VPS50: variants seen among roughly 807,000 people sequenced by gnomAD.
VPS50 encodes VPS50 subunit of EARP/GARPII complex.
In VPS50, 70 loss-of-function variants were observed where a neutral mutation model predicts 139.7. That is an observed-to-expected ratio of 0.50 (90% CI 0.41 to 0.61). The LOEUF is 0.61. Among genes scored for constraint, VPS50 ranks in the 20% least tolerant of loss-of-function variants. The pLI is 0.00. For synonymous variants in VPS50, 365 were observed against 376.7 expected, an observed-to-expected ratio of 0.97 and a Z score of 0.36; for missense variants, 921 against 1,133.7, an observed-to-expected ratio of 0.81 and a Z score of 2.69.
chr7:93,266,428 GT>G (rs1468003903), intron 9 of VPS50, among the ~76,000 whole-genome samples: 2 of 152,126 alleles, frequency 1.3e-5, no homozygotes, highest in Admixed American at 6.5e-5. Flanking sequence ...GTGCCATCTT[GT>G]CTTTTTGTAT....
At chr7:93,245,095 G>T (rs1000439318) in intron 2 of VPS50, among the ~76,000 whole-genome samples, 2 of 151,820 alleles carry the variant, frequency 1.3e-5, no homozygotes, top group Non-Finnish European at 2.9e-5. Flanking sequence ...TTGCAGAGGA[G>T]TAGAGGCACA....
At chr7:93,298,418 A>G (rs1796874824) in intron 16 of VPS50, among the ~76,000 whole-genome samples, 1 of 152,100 alleles carries the variant, frequency 6.6e-6, no homozygotes, top group Admixed American at 6.6e-5. Flanking sequence ...CCTGTTAATC[A>G]TGGATGGGGA....
intron 25 of VPS50, 130 bp from the exon 26 acceptor site, chr7:93,353,510 A>G (rs959577366): frequency 1.0e-6 from 1 of 983,934 alleles, no homozygotes; most frequent in African/African-American, 1.6e-5. Flanking sequence ...TATCTTTGGC[A>G]TTATCTTTTT....
rs544797129 is a variant in VPS50, at chr7:93,259,256, T to G, written c.577-294T>G. On this transcript the variant is annotated intron_variant, in intron 8 of 27. Coordinates refer to ENST00000305866, the MANE Select transcript of VPS50 (RefSeq NM_017667.4). ...TAACAGTTAAAGAAAACCTTTCCTG[T>G]GAAGCAGCTAATGATTTAATGTAGG... Among the ~76,000 whole-genome samples, 6 of 152,146 alleles carry G rather than the reference T, an allele frequency of 3.9e-5. No individual in the cohort carries two copies. In the East Asian group the frequency reaches 1.2e-3, roughly 29 times the overall value.
chr7:93,327,013 C>T (rs1022946952), intron 21 of VPS50, among the ~76,000 whole-genome samples: 6 of 152,112 alleles, frequency 3.9e-5, no homozygotes, highest in Non-Finnish European at 7.4e-5. Flanking sequence ...ATTCATCACC[C>T]TGAATTTGGA....
At chr7:93,289,028 G>A (rs1796573519) in intron 12 of VPS50, among the ~76,000 whole-genome samples, 1 of 152,010 alleles carries the variant, frequency 6.6e-6, no homozygotes, top group Non-Finnish European at 1.5e-5. Context: ...GCATTGTAAG[G>A]TGGGGCTGAA....
At chr7:93,247,632 T>C (rs947309659) in intron 2 of VPS50, among the ~76,000 whole-genome samples, 20 of 152,010 alleles carry the variant, frequency 1.3e-4, no homozygotes, top group African/African-American at 4.8e-4. Context: ...CATTGCTTAC[T>C]TATTCATCTG....
intron 2 of VPS50, among the ~76,000 whole-genome samples, chr7:93,244,542 A>C (rs1312036716): frequency 6.6e-6 from 1 of 151,822 alleles, no homozygotes; most frequent in Non-Finnish European, 1.5e-5. Context: ...ACTTTTTTGG[A>C]ATCCTTTTTG....
At position 93,355,119 on chromosome 7, in the gene VPS50, TAAAA is replaced by T. The variant is rs202160213; in HGVS notation, c.2586-759_2586-756del. Among the ~76,000 whole-genome samples, 86 of 138,070 alleles carry T rather than the reference TAAAA, an allele frequency of 6.2e-4. No homozygotes were observed. In the East Asian group the frequency reaches 7.8e-3, roughly 13 times the overall value. The allele number at this position is 138,070 out of a possible 152,430, so 90.6% of individuals were successfully genotyped here. On this transcript the variant is annotated intron_variant, in intron 26 of 27. Transcript: ENST00000305866. ...TACTTCTGTATAAAATACTCTTTTT[TAAAA>T]AAAAAAAAAAAAGCTTGGTCATTTT...
intron 23 of VPS50, among the ~76,000 whole-genome samples, chr7:93,341,853 C>G (rs982356869): frequency 6.6e-6 from 1 of 152,174 alleles, no homozygotes; most frequent in Non-Finnish European, 1.5e-5. Flanking sequence ...AAGCATTATA[C>G]TATGCTTCAT....
rs142948355 is a variant in VPS50 at position 93,235,664 on chromosome 7, T to C, written c.33+3164T>C. Among the ~76,000 whole-genome samples the C allele has an allele frequency of 1.2e-4, 18 of 152,266 alleles. No homozygotes were observed. The East Asian group carries it at 3.5e-3, about 29-fold the overall frequency. On this transcript the variant is annotated intron_variant, in intron 1 of 27. Coordinates refer to ENST00000305866, the MANE Select transcript of VPS50 (RefSeq NM_017667.4). ...ACTCAAAATAGTTTGGCCCTAGCAA[T>C]TGGAAGAATGTAATTGCCATTTCCT...
chr7:93,272,248 GAGAA>G (rs1362656175), intron 10 of VPS50, among the ~76,000 whole-genome samples: 8 of 151,772 alleles, frequency 5.3e-5, no homozygotes, highest in African/African-American at 1.9e-4. Context: ...TCGTTGATTA[GAGAA>G]AGATTGTTTT....
At chr7:93,284,048 A>T (rs1187126823) in intron 12 of VPS50, among the ~76,000 whole-genome samples, 1 of 152,054 alleles carries the variant, frequency 6.6e-6, no homozygotes, top group African/African-American at 2.4e-5. Context: ...ATGTCTAAGA[A>T]CTCTTAACAT....
rs547841999 is a variant in VPS50 at position 93,297,146 on chromosome 7, T to C, written c.1264T>C (p.Leu422=). The change falls in exon 16 of 28, where the codon TTG becomes CTG. Residue 422 remains leucine (L), a splice_region_variant and synonymous_variant. Transcript: ENST00000305866. ...FIFVLDIISR[L]MQVGEEFCGS... is the part of the protein sequence containing the mutation. Reference sequence around the variant, plus strand: ...ACTGAAACCTTTTTATCCAACTAGGTTGATGCAAGTTGGAGAAGAATTTTG... The same window carrying C: ...ACTGAAACCTTTTTATCCAACTAGGCTGATGCAAGTTGGAGAAGAATTTTG... 8 of 1,562,234 alleles carry C rather than the reference T, an allele frequency of 5.1e-6. No individual in the cohort carries two copies. In the East Asian group the frequency reaches 7.2e-5, roughly 14 times the overall value.
intron 11 of VPS50, 157 bp downstream of exon 11, chr7:93,272,890 T>C: frequency 2.0e-6 from 1 of 503,984 alleles, no homozygotes; most frequent in East Asian, 3.7e-5. Flanking sequence ...GTTGTTCTTG[T>C]AGACTCAGAG....
At chr7:93,268,473 T>A (rs1453499532) in intron 9 of VPS50, among the ~76,000 whole-genome samples, 1 of 152,116 alleles carries the variant, frequency 6.6e-6, no homozygotes, top group East Asian at 1.9e-4. Context: ...TTCCTGATGC[T>A]CTTCTTCCCA....
At chr7:93,311,760 G>C (rs1480924723) in intron 20 of VPS50, among the ~76,000 whole-genome samples, 1 of 152,040 alleles carries the variant, frequency 6.6e-6, no homozygotes, top group East Asian at 1.9e-4. Flanking sequence ...GACCTTTATT[G>C]ATGATTTTGT....
At chr7:93,341,082 G>A (rs371036266) in intron 22 of VPS50, among the ~76,000 whole-genome samples, 2 of 152,148 alleles carry the variant, frequency 1.3e-5, no homozygotes, top group Non-Finnish European at 2.9e-5. Context: ...GGTTCTCAAG[G>A]GGTAATCATA....
chr7:93,239,356 G>A (rs909477804), intron 1 of VPS50, among the ~76,000 whole-genome samples: 6 of 152,254 alleles, frequency 3.9e-5, no homozygotes, highest in African/African-American at 1.4e-4. Context: ...AAGACAGTGA[G>A]ATATGAGACT....
Sources: gnomAD v4.1 joint callset for allele counts (sites outside exome capture counted in the v4.1 genomes callset) on GRCh38, gnomAD v4.1.1 for gene constraint, MANE v1.5 for transcripts, NCBI Gene and HGNC (gene_info 2026-07-23, HGNC 2026-07-21) for gene names.